The following NCDN variants were observed in gnomAD, a reference collection of about 807,000 sequenced individuals.
The protein encoded by NCDN is norbin.
In NCDN, 9 loss-of-function variants were observed where a neutral mutation model predicts 60.7. The observed-to-expected ratio is 0.15, with a 90% CI of 0.09 to 0.26. The LOEUF is 0.26. Among genes scored for constraint, NCDN ranks in the 10% least tolerant of loss-of-function variants. The probability of loss-of-function intolerance (pLI) is 1.00; values close to 1 mark genes in which losing one functional copy is unlikely to be tolerated. For missense variants in NCDN, 578 were observed against 975.2 expected (o/e 0.59, Z 5.42); for synonymous variants, 409 against 442.5 (o/e 0.92, Z 0.95).
In NCDN at chr1:35,559,462, G is replaced by T. The variant is rs190234407; in HGVS notation, c.174+215G>T. ...GACTGAATAAGGCTGTGGCACTAGG[G>T]GCTGCCTGGGTCTGTTTTCTGGGGC... On this transcript the variant is annotated intron_variant, in intron 2 of 6. Transcript: ENST00000373243. Among the ~76,000 whole-genome samples, 49 of 152,268 alleles carry T rather than the reference G, an allele frequency of 3.2e-4. No individual in the cohort carries two copies. In the South Asian group the frequency reaches 4.8e-3, roughly 15 times the overall value.
In NCDN at chr1:35,558,082, TCA is replaced by T; in HGVS notation, c.-108_-107del. The T allele has an allele frequency of 1.4e-6, 2 of 1,458,364 alleles. No individual in the cohort carries two copies. The highest frequency in any genetic ancestry group is 1.9e-5 in the Admixed American group (1 of 52,532). 90.3% of individuals were successfully genotyped at this position (1,458,364 alleles called of 1,614,324 possible). A position where few individuals can be genotyped will look rare whatever the true frequency, so the allele number is the denominator to read the frequency against. On this transcript the variant is annotated 5_prime_UTR_variant, in exon 1 of 7. It introduces an in-frame stop codon into an upstream open reading frame of the 5' UTR. Coordinates refer to ENST00000373243, the MANE Select transcript of NCDN (RefSeq NM_014284.3). This position sits in a 1 kb window ranked among gnomAD's most constrained non-coding sequence, Gnocchi z 6.3. ...TCTTTTTTTTTTTTAATTTGCCCTG[TCA>T]TCTTTGGGGGCTGTCTCCCATGTCG...
chr1:35,557,828 G>C lies in NCDN; in HGVS notation c.-363G>C. 1 of 541,970 alleles carries C rather than the reference G, an allele frequency of 1.8e-6. No individual in the cohort carries two copies. Among genetic ancestry groups the C allele is most frequent in the Non-Finnish European group, 3.5e-6 (1 of 283,632 alleles). The allele number at this position is 541,970 out of a possible 1,614,324, so 33.6% of individuals were successfully genotyped here. ...GGCAACGCGGCGTGAGCAGCGGCCC[G>C]AGGCTCCCGGAGCATCGCGCTGGGA... On this transcript the variant is annotated 5_prime_UTR_variant, in exon 1 of 7. Coordinates refer to ENST00000373243, the MANE Select transcript of NCDN (RefSeq NM_014284.3).
In NCDN at chr1:35,559,091, C is replaced by T; in HGVS notation, c.34-16C>T. On this transcript the variant is annotated splice_polypyrimidine_tract_variant and intron_variant, in intron 1 of 6. Transcript: ENST00000373243. ...CTCCTCTGCAGAGGGATGCTCAGTCCCTCTTGTGTTCACAGTTGGGCAAGG... is the reference window on the plus strand; with the variant it reads ...CTCCTCTGCAGAGGGATGCTCAGTCTCTCTTGTGTTCACAGTTGGGCAAGG... The T allele has an allele frequency of 3.7e-6, 6 of 1,608,984 alleles. No individual in the cohort carries two copies. Among genetic ancestry groups the T allele is most frequent in the Non-Finnish European group, 5.1e-6 (6 of 1,177,564 alleles).
At position 35,565,753 on chromosome 1, in the gene NCDN, CT is replaced by C. The variant is rs769563259; in HGVS notation, c.*91del. The C allele has an allele frequency of 3.3e-3, 4,351 of 1,336,680 alleles. 15 individuals are homozygous for C. Among genetic ancestry groups the C allele is most frequent in the East Asian group, 0.021 (814 of 39,184 alleles). 82.8% of individuals were successfully genotyped at this position (1,336,680 alleles called of 1,614,324 possible). On this transcript the variant is annotated 3_prime_UTR_variant, in exon 7 of 7. Transcript: ENST00000373243. The surrounding 1 kb of genome is among the most constrained non-coding windows in gnomAD (Gnocchi z 8.9). ...CTGAAGCCCCCAATCTGGCCCCCCCCTCCCCAGACTTCCTCCCCAAAACACC... is the reference window on the plus strand; with the variant it reads ...CTGAAGCCCCCAATCTGGCCCCCCCCCCCCAGACTTCCTCCCCAAAACACC...
In NCDN at chr1:35,565,562, G is replaced by T; in HGVS notation, c.2089G>T (p.Ala697Ser). 1 of 1,564,842 alleles carries T rather than the reference G, an allele frequency of 6.4e-7. No individual in the cohort carries two copies. The highest frequency in any genetic ancestry group is 8.6e-7 in the Non-Finnish European group (1 of 1,157,398). Residue 697 changes from alanine (A) to serine (S), a missense_variant, in exon 7 of 7, where the codon GCC (alanine) becomes TCC (serine). Physicochemically the swap from Ala to Ser is moderately conservative, Grantham distance 99 (BLOSUM62 1). Around this residue, in one of 3 missense-constraint regions of NCDN, gnomAD observed 191 missense variants for 372.1 expected, o/e 0.51. Coordinates refer to ENST00000373243, the MANE Select transcript of NCDN (RefSeq NM_014284.3). This position sits in a 1 kb window ranked among gnomAD's most constrained non-coding sequence, Gnocchi z 8.9. Reference sequence around the variant, plus strand: ...GGGTGTCCTGGTGGAGCTGGCGCGGGCCAACCGGCTGTGCCGGGAGGCCAT... The same window carrying T: ...GGGTGTCCTGGTGGAGCTGGCGCGGTCCAACCGGCTGTGCCGGGAGGCCAT... ...YQGVLVELAR[A>S]NRLCREAMRL...
In NCDN at chr1:35,565,091, C is replaced by T. The variant is rs779091792; in HGVS notation, c.1754-136C>T. ...AAGGTCACACAGTGAGCATCTAAGG[C>T]AGGGTTTCAACGCAGGCAGTCTGAT... On this transcript the variant is annotated intron_variant, in intron 6 of 6. Coordinates refer to ENST00000373243, the MANE Select transcript of NCDN (RefSeq NM_014284.3). This position sits in a 1 kb window ranked among gnomAD's most constrained non-coding sequence, Gnocchi z 8.9. 7 of 845,892 alleles carry T rather than the reference C, an allele frequency of 8.3e-6. No individual in the cohort carries two copies. Among genetic ancestry groups the T allele is most frequent in the Non-Finnish European group, 1.3e-5 (7 of 543,568 alleles). 52.4% of individuals were successfully genotyped at this position (845,892 alleles called of 1,614,324 possible). A position where few individuals can be genotyped will look rare whatever the true frequency, so the allele number is the denominator to read the frequency against.
chr1:35,557,855 A>C lies in NCDN; in HGVS notation c.-336A>C, dbSNP rs1648393833. 1.7e-6 allele frequency: 1 copy of C among 584,238 alleles called. No homozygotes were observed. Among genetic ancestry groups the C allele is most frequent in the African/African-American group, 1.8e-5 (1 of 54,448 alleles). The allele number at this position is 584,238 out of a possible 1,614,324, so 36.2% of individuals were successfully genotyped here. A position where few individuals can be genotyped will look rare whatever the true frequency, so the allele number is the denominator to read the frequency against. On this transcript the variant is annotated 5_prime_UTR_variant, in exon 1 of 7. Transcript: ENST00000373243. ...GGCTCCCGGAGCATCGCGCTGGGAG[A>C]AGACTTCGCCGCTCGGGGCCGCAGC... is the stretch of plus-strand genomic sequence containing the variant.
Position 35,565,864 on chromosome 1 carries a change from TGGG to T in NCDN, c.*204_*206del. On this transcript the variant is annotated 3_prime_UTR_variant, in exon 7 of 7. Transcript: ENST00000373243. This position sits in a 1 kb window ranked among gnomAD's most constrained non-coding sequence, Gnocchi z 8.9. ...CTGCGTTCCGCCCCTCAGGCCCCCA[TGGG>T]GGCAGGGATCGGCTTGGAAATCAAC... The T allele has an allele frequency of 1.7e-6, 1 of 601,800 alleles. No homozygotes were observed. Among genetic ancestry groups the T allele is most frequent in the Non-Finnish European group, 2.8e-6 (1 of 352,658 alleles). 37.3% of individuals were successfully genotyped at this position (601,800 alleles called of 1,614,324 possible). A position where few individuals can be genotyped will look rare whatever the true frequency, so the allele number is the denominator to read the frequency against.
intron 2 of NCDN, 148 bp downstream of exon 2, chr1:35,559,395 C>T: frequency 9.8e-7 from 1 of 1,017,660 alleles, no homozygotes; most frequent in Non-Finnish European, 1.4e-6. Context: ...CCTTTGTGCT[C>T]TTTTTTGCTC....
At position 35,558,448 on chromosome 1, in the gene NCDN, G is replaced by T. The variant is rs1197975422; in HGVS notation, c.33+225G>T. ...TGCTGCCGCCGCCGCTGCTGCTGCT[G>T]CTGCAGCCTCTACCCGAGGGAGGGA... On this transcript the variant is annotated intron_variant, in intron 1 of 6. Coordinates refer to ENST00000373243, the MANE Select transcript of NCDN (RefSeq NM_014284.3). This position sits in a 1 kb window ranked among gnomAD's most constrained non-coding sequence, Gnocchi z 6.3. 13 of 1,439,750 alleles carry T rather than the reference G, an allele frequency of 9.0e-6. No individual in the cohort carries two copies. The Admixed American group carries it at 3.5e-4, about 39-fold the overall frequency. 89.2% of individuals were successfully genotyped at this position (1,439,750 alleles called of 1,614,324 possible).
In NCDN at chr1:35,560,591, C is replaced by T. The variant is rs1432821860; in HGVS notation, c.440C>T (p.Ala147Val). The T allele has an allele frequency of 6.2e-7, 1 of 1,613,556 alleles. No homozygotes were observed. The highest frequency in any genetic ancestry group is 8.5e-7 in the Non-Finnish European group (1 of 1,180,042). ...LTARGDPDDA[A>V]RRSMIDDTYQ... Reference sequence around the variant, plus strand: ...GCCCGGGGGGACCCGGACGATGCTGCCCGCCGCTCCATGATTGATGACACC... The same window carrying T: ...GCCCGGGGGGACCCGGACGATGCTGTCCGCCGCTCCATGATTGATGACACC... Residue 147 changes from alanine (A) to valine (V), a missense_variant, in exon 3 of 7, where the codon GCC (alanine) becomes GTC (valine). Coordinates refer to ENST00000373243, the MANE Select transcript of NCDN (RefSeq NM_014284.3). This position sits in a 1 kb window ranked among gnomAD's most constrained non-coding sequence, Gnocchi z 7.6.
rs1191170635 is a variant in NCDN, at chr1:35,558,804, G to A, written c.34-303G>A. ...CAGCTGAGCAGTGGGGCCAGCTCCC[G>A]CCCACCCCCAGGAGACTGGTGAGGA... is the stretch of plus-strand genomic sequence containing the variant. On this transcript the variant is annotated intron_variant, in intron 1 of 6. Transcript: ENST00000373243. The surrounding 1 kb of genome is among the most constrained non-coding windows in gnomAD (Gnocchi z 6.3). 9.3e-6 allele frequency: 8 copies of A among 863,490 alleles called. No individual in the cohort carries two copies. Among genetic ancestry groups the A allele is most frequent in the South Asian group, 6.3e-5 (2 of 31,636 alleles). The allele number at this position is 863,490 out of a possible 1,614,324, so 53.5% of individuals were successfully genotyped here. A position where few individuals can be genotyped will look rare whatever the true frequency, so the allele number is the denominator to read the frequency against.
chr1:35,558,054 A>T lies in NCDN; in HGVS notation c.-137A>T. On this transcript the variant is annotated 5_prime_UTR_variant, in exon 1 of 7. Coordinates refer to ENST00000373243, the MANE Select transcript of NCDN (RefSeq NM_014284.3). This position sits in a 1 kb window ranked among gnomAD's most constrained non-coding sequence, Gnocchi z 6.3. Reference sequence around the variant, plus strand: ...ATTTTGTCACAGCCCTTTTCAATATATATCTTTTTTTTTTTTAATTTGCCC... The same window carrying T: ...ATTTTGTCACAGCCCTTTTCAATATTTATCTTTTTTTTTTTTAATTTGCCC... 8.1e-7 allele frequency: 1 copy of T among 1,239,100 alleles called. No homozygotes were observed. The highest frequency in any genetic ancestry group is 1.6e-5 in the African/African-American group (1 of 63,280). The allele number at this position is 1,239,100 out of a possible 1,614,324, so 76.8% of individuals were successfully genotyped here.
At position 35,562,084 on chromosome 1, in the gene NCDN, T is replaced by C. The variant is rs2148538702; in HGVS notation, c.1144-308T>C. Among the ~76,000 whole-genome samples, 1 of 151,974 alleles carries C rather than the reference T, an allele frequency of 6.6e-6. No individual in the cohort carries two copies. Among genetic ancestry groups the C allele is most frequent in the East Asian group, 1.9e-4 (1 of 5,152 alleles). ...TTCTAGCCTTGAGACACTCCAGAGG[T>C]AGGGAGTTAGGGAGATGTGACTGGA... is the stretch of plus-strand genomic sequence containing the variant. On this transcript the variant is annotated intron_variant, in intron 3 of 6. Coordinates refer to ENST00000373243, the MANE Select transcript of NCDN (RefSeq NM_014284.3). This position sits in a 1 kb window ranked among gnomAD's most constrained non-coding sequence, Gnocchi z 6.8.
chr1:35,563,106 A>T lies in NCDN; in HGVS notation c.1386-96A>T. ...CTGCGAGGATGTGTCCTTCTCCCCT[A>T]CTTCCATTTCTCTTAGGCAAGGTGC... is the stretch of plus-strand genomic sequence containing the variant. On this transcript the variant is annotated intron_variant, in intron 4 of 6. Transcript: ENST00000373243. The surrounding 1 kb of genome is among the most constrained non-coding windows in gnomAD (Gnocchi z 6.6). The T allele has an allele frequency of 8.8e-7, 1 of 1,131,170 alleles. No individual in the cohort carries two copies. The highest frequency in any genetic ancestry group is 1.2e-6 in the Non-Finnish European group (1 of 809,414). 70.1% of individuals were successfully genotyped at this position (1,131,170 alleles called of 1,614,324 possible).
At position 35,558,369 on chromosome 1, in the gene NCDN, G is replaced by T. The variant is rs894459800; in HGVS notation, c.33+146G>T. On this transcript the variant is annotated intron_variant, in intron 1 of 6. Transcript: ENST00000373243. The surrounding 1 kb of genome is among the most constrained non-coding windows in gnomAD (Gnocchi z 6.3). ...CTCCAGCCCCTGCCGGCATCCACAG[G>T]CTGGTAGCGGGACGGGGAGGGCGAG... 2.6e-6 allele frequency: 4 copies of T among 1,522,150 alleles called. No homozygotes were observed. The highest frequency in any genetic ancestry group is 3.5e-6 in the Non-Finnish European group (4 of 1,137,666). The allele number at this position is 1,522,150 out of a possible 1,614,324, so 94.3% of individuals were successfully genotyped here. A position where few individuals can be genotyped will look rare whatever the true frequency, so the allele number is the denominator to read the frequency against.
rs752409540 is a variant in NCDN at position 35,565,322 on chromosome 1, C to A, written c.1849C>A (p.Gln617Lys). The A allele has an allele frequency of 6.2e-7, 1 of 1,614,116 alleles. No homozygotes were observed. The highest frequency in any genetic ancestry group is 1.7e-5 in the Admixed American group (1 of 60,028). The change falls in exon 7 of 7, where the codon CAG (glutamine) becomes AAG (lysine). Residue 617 changes from glutamine to lysine, a missense_variant. Coordinates refer to ENST00000373243, the MANE Select transcript of NCDN (RefSeq NM_014284.3). This position sits in a 1 kb window ranked among gnomAD's most constrained non-coding sequence, Gnocchi z 8.9. ...HVARATPGSD[Q>K]AVLALSPEYE... ...GGCGCGGGCCACCCCGGGCTCAGAC[C>A]AGGCAGTGCTAGCCCTGTCCCCTGA...
Position 35,563,355 on chromosome 1 carries a change from C to A in NCDN, c.1539C>A (p.Ser513Arg). ...PGHDTSVLPDSVEIGLQTCCH... is the reference protein window; with the variant it reads ...PGHDTSVLPDRVEIGLQTCCH... ...ACGACACCTCGGTGCTGCCTGACAG[C>A]GTGGAGATTGGCCTGCAGACCTGCT... Residue 513 changes from serine to arginine, a missense_variant, in exon 5 of 7, where the codon AGC (serine) becomes AGA (arginine). By Grantham distance (110) the Ser-to-Arg change is moderately radical. Around this residue, in one of 3 missense-constraint regions of NCDN, gnomAD observed 191 missense variants for 372.1 expected, o/e 0.51. Transcript: ENST00000373243. The surrounding 1 kb of genome is among the most constrained non-coding windows in gnomAD (Gnocchi z 6.6). 1.2e-6 allele frequency: 2 copies of A among 1,614,184 alleles called. No individual in the cohort carries two copies. The highest frequency in any genetic ancestry group is 1.7e-6 in the Non-Finnish European group (2 of 1,180,042).
In NCDN at chr1:35,562,242, C is replaced by T; in HGVS notation, c.1144-150C>T. 6.0e-6 allele frequency: 7 copies of T among 1,162,506 alleles called. No homozygotes were observed. The South Asian group carries it at 1.1e-4, about 17-fold the overall frequency. The allele number at this position is 1,162,506 out of a possible 1,614,324, so 72.0% of individuals were successfully genotyped here. A position where few individuals can be genotyped will look rare whatever the true frequency, so the allele number is the denominator to read the frequency against. ...CCTACCACATGCTAGGTGCTGGGTTCATGGGACAGAATAAAGGTTGGGGCC... is the reference window on the plus strand; with the variant it reads ...CCTACCACATGCTAGGTGCTGGGTTTATGGGACAGAATAAAGGTTGGGGCC... On this transcript the variant is annotated intron_variant, in intron 3 of 6. Transcript: ENST00000373243. The surrounding 1 kb of genome is among the most constrained non-coding windows in gnomAD (Gnocchi z 6.8).
Sources: allele counts gnomAD v4.1 joint callset (sites outside exome capture counted in the v4.1 genomes callset), GRCh38; gene constraint gnomAD v4.1.1; regional missense constraint gnomAD v4.1.1; non-coding constraint Gnocchi (gnomAD v3.1); transcripts MANE v1.5; gene names NCBI Gene and HGNC (gene_info 2026-07-23, HGNC 2026-07-21).